The following ALDH18A1 variants were observed in gnomAD, a reference collection of about 807,000 sequenced individuals.
ALDH18A1 encodes the protein aldehyde dehydrogenase 18 family member A1, also known as delta-1-pyrroline-5-carboxylate synthase.
A neutral mutation model predicts 88.8 loss-of-function variants in ALDH18A1; 44 were observed. That is an observed-to-expected ratio of 0.50 (90% confidence interval 0.39 to 0.64). The LOEUF (loss-of-function observed/expected upper bound fraction) is 0.64. ALDH18A1 is among the 30% of genes least tolerant of loss of function. The probability of loss-of-function intolerance (pLI) is 0.00; values close to 1 mark genes in which losing one functional copy is unlikely to be tolerated. For synonymous variants in ALDH18A1, 331 were observed against 372.1 expected (o/e 0.89, Z 1.27); for missense variants, 782 against 1,009.5 (o/e 0.77, Z 3.05).
chr10:95,641,763 CGAGT>C (rs911174949), intron 3 of ALDH18A1, among the ~76,000 whole-genome samples: 1 of 152,036 alleles, frequency 6.6e-6, no homozygotes, highest in African/African-American at 2.4e-5. Flanking sequence ...CTCAGCCTCC[CGAGT>C]AGCCGGGGCC....
intron 2 of ALDH18A1, 35 bp downstream of exon 2, chr10:95,653,255 G>T: frequency 6.6e-7 from 1 of 1,520,472 alleles, no homozygotes; most frequent in East Asian, 2.3e-5. Context: ...ACTATCAAAC[G>T]TCCCACATAC....
chr10:95,614,304 T>C, intron 13 of ALDH18A1, 143 bp from the exon 14 acceptor site: 1 of 911,168 alleles, frequency 1.1e-6, no homozygotes, highest in Non-Finnish European at 1.7e-6. Context: ...AAAACAAAAT[T>C]AAGTTCCCGA....
intron 11 of ALDH18A1, 66 bp from the exon 12 acceptor site, chr10:95,621,317 T>C: frequency 1.6e-6 from 2 of 1,281,192 alleles, no homozygotes; most frequent in Non-Finnish European, 2.2e-6. Flanking sequence ...CCAACCGATG[T>C]GTCTTTTTTT....
At chr10:95,652,867 C>CTT (rs370005645) in intron 2 of ALDH18A1, among the ~76,000 whole-genome samples, 1 of 151,886 alleles carries the variant, frequency 6.6e-6, no homozygotes, top group South Asian at 2.1e-4. Flanking sequence ...CAAATTACAT[C>CTT]TTTTTTTTCT....
At chr10:95,613,186 G>A (rs1292038251) in intron 15 of ALDH18A1, among the ~76,000 whole-genome samples, 1 of 152,194 alleles carries the variant, frequency 6.6e-6, no homozygotes, top group Non-Finnish European at 1.5e-5. Flanking sequence ...TTAGGACACA[G>A]CACAACTTTA....
chr10:95,641,230 C>T (rs2097890738), intron 3 of ALDH18A1, among the ~76,000 whole-genome samples: 1 of 152,174 alleles, frequency 6.6e-6, no homozygotes, highest in Non-Finnish European at 1.5e-5. Flanking sequence ...ACCATACTCT[C>T]ATCTGAGTTT....
chr10:95,610,592 G>A (rs1463607370), intron 16 of ALDH18A1, among the ~76,000 whole-genome samples: 1 of 152,194 alleles, frequency 6.6e-6, no homozygotes, highest in African/African-American at 2.4e-5. Context: ...CTGAACTCCA[G>A]CTGTACACCT....
intron 12 of ALDH18A1, among the ~76,000 whole-genome samples, chr10:95,616,967 C>T (rs2097845233): frequency 6.6e-6 from 1 of 152,142 alleles, no homozygotes; most frequent in Non-Finnish European, 1.5e-5. Context: ...ACTGAGTTGG[C>T]CAGGTATGGT....
chr10:95,620,777 C>T (rs1589501357), intron 12 of ALDH18A1, among the ~76,000 whole-genome samples: 1 of 122,746 alleles, frequency 8.1e-6, no homozygotes, highest in East Asian at 2.3e-4. Context: ...ACATCACACA[C>T]TGGGGCCTGT....
Position 95,643,160 on chromosome 10 carries a change from G to T in ALDH18A1, c.135C>A (p.Asn45Lys). ...SVIRHVRSWS[N>K]IPFITVPLSR... Reference sequence around the variant, plus strand: ...TGAGGGGTACAGTGATAAACGGGATGTTGCTCCAAGAACGAACATGTCTGA... The same window carrying T: ...TGAGGGGTACAGTGATAAACGGGATTTTGCTCCAAGAACGAACATGTCTGA... The change falls in exon 3 of 18, where the codon AAC becomes AAA. Residue 45 changes from asparagine to lysine, a missense_variant. Transcript: ENST00000371224. 2 of 1,614,218 alleles carry T rather than the reference G, an allele frequency of 1.2e-6. No homozygotes were observed. Among genetic ancestry groups the T allele is most frequent in the Non-Finnish European group, 1.7e-6 (2 of 1,180,042 alleles).
At chr10:95,613,357 A>C (rs1032272064) in intron 15 of ALDH18A1, among the ~76,000 whole-genome samples, 1 of 152,236 alleles carries the variant, frequency 6.6e-6, no homozygotes, top group Non-Finnish European at 1.5e-5. Flanking sequence ...GTGAATGTAC[A>C]TAAGTTTTTG....
In ALDH18A1 at chr10:95,627,250, T is replaced by G. The variant is rs552496656; in HGVS notation, c.1078+192A>C. The stretch of plus-strand genomic sequence containing the variant: ...GCTTATATATTTTAACCGAGTGATT[T>G]TGCAGAGAATAGGTCTAGATAGGCA... On this transcript the variant is annotated intron_variant, in intron 9 of 17. Transcript: ENST00000371224. 7.2e-5 allele frequency among the ~76,000 whole-genome samples: 11 copies of G among 152,304 alleles called. No individual in the cohort carries two copies. The East Asian group carries it at 2.1e-3, about 29-fold the overall frequency.
chr10:95,645,163 G>A (rs758382849), intron 2 of ALDH18A1, among the ~76,000 whole-genome samples: 4 of 152,116 alleles, frequency 2.6e-5, no homozygotes, highest in East Asian at 1.9e-4. Flanking sequence ...GCAAATAGAC[G>A]TTCCTCCCTG....
chr10:95,655,810 A>T (rs1589589621), intron 1 of ALDH18A1, among the ~76,000 whole-genome samples: 4 of 152,312 alleles, frequency 2.6e-5, no homozygotes, highest in Admixed American at 2.6e-4. Flanking sequence ...TTTTGACTCA[A>T]GACATTTCTC....
chr10:95,653,873 C>G (rs1266776965), intron 1 of ALDH18A1, among the ~76,000 whole-genome samples: 1 of 152,176 alleles, frequency 6.6e-6, no homozygotes, highest in African/African-American at 2.4e-5. Flanking sequence ...CCATGAAAAG[C>G]AAGAGGAAAG....
chr10:95,610,700 G>GA (rs1589477051), intron 16 of ALDH18A1, among the ~76,000 whole-genome samples: 1 of 152,210 alleles, frequency 6.6e-6, no homozygotes, highest in East Asian at 1.9e-4. Flanking sequence ...TAGAGAGGAT[G>GA]AAACACCTGG....
intron 7 of ALDH18A1, among the ~76,000 whole-genome samples, chr10:95,632,362 TTTTA>T (rs760484446): frequency 1.1e-4 from 17 of 152,280 alleles, no homozygotes; most frequent in African/African-American, 1.7e-4. Flanking sequence ...AATTGTAAAC[TTTTA>T]TTTATTTATT....
chr10:95,629,704 T>C (rs754568836), intron 7 of ALDH18A1, among the ~76,000 whole-genome samples: 8 of 152,244 alleles, frequency 5.3e-5, no homozygotes, highest in Middle Eastern at 3.4e-3. Flanking sequence ...GAGGGGTTCC[T>C]AGCATTCTGA....
chr10:95,606,700 T>C lies in ALDH18A1; in HGVS notation c.*62A>G. Reference sequence around the variant, plus strand: ...TGGGAGACAAGAGCGGGCTCTCTCCTGAGATAAGACAAGTTTAACGTGAAG... The same window carrying C: ...TGGGAGACAAGAGCGGGCTCTCTCCCGAGATAAGACAAGTTTAACGTGAAG... On this transcript the variant is annotated 3_prime_UTR_variant, in exon 18 of 18. Coordinates refer to ENST00000371224, the MANE Select transcript of ALDH18A1 (RefSeq NM_002860.4). The C allele has an allele frequency of 6.2e-7, 1 of 1,613,044 alleles. No individual in the cohort carries two copies. The highest frequency in any genetic ancestry group is 8.5e-7 in the Non-Finnish European group (1 of 1,179,594).
Sources: gnomAD v4.1 joint callset for allele counts (sites outside exome capture counted in the v4.1 genomes callset) on GRCh38, gnomAD v4.1.1 for gene constraint, MANE v1.5 for transcripts, NCBI Gene and HGNC (gene_info 2026-07-23, HGNC 2026-07-21) for gene names.